Variants in SLC37A1 observed in about 807,000 individuals in gnomAD.
The protein encoded by SLC37A1 is glucose-6-phosphate exchanger SLC37A1.
In SLC37A1, 49 loss-of-function variants were observed where a neutral mutation model predicts 75.3. That is an observed-to-expected ratio of 0.65 (90% CI 0.52 to 0.83). The LOEUF is 0.83. Among genes scored for constraint, SLC37A1 ranks in the 40% least tolerant of loss-of-function variants. SLC37A1 has a pLI of 0.00. For synonymous variants in SLC37A1, 268 were observed against 292.1 expected (o/e 0.92, Z 0.84); for missense variants, 566 against 695.0 (o/e 0.81, Z 2.09).
At chr21:42,507,761 C>A (rs758477332) in intron 2 of SLC37A1, among the ~76,000 whole-genome samples, 2 of 152,110 alleles carry the variant, frequency 1.3e-5, no homozygotes, top group African/African-American at 4.8e-5. Context: ...AGGTGCCAGG[C>A]TCCTTCTAAT....
intron 3 of SLC37A1, among the ~76,000 whole-genome samples, chr21:42,529,170 T>G (rs1218383885): frequency 2.0e-5 from 3 of 152,212 alleles, no homozygotes; most frequent in African/African-American, 7.2e-5. Context: ...TAGAATAGAT[T>G]AGAAAATATG....
At position 42,518,481 on chromosome 21, in the gene SLC37A1, C is replaced by T. The variant is rs1436589947; in HGVS notation, c.27C>T (p.Arg9=). 5.0e-6 allele frequency: 8 copies of T among 1,614,044 alleles called. No individual in the cohort carries two copies. The highest frequency in any genetic ancestry group is 6.8e-6 in the Non-Finnish European group (8 of 1,180,032). The change falls in exon 2 of 20, where the codon CGC becomes CGT. Residue 9 remains arginine, a synonymous_variant. Coordinates refer to ENST00000352133, the MANE Select transcript of SLC37A1 (RefSeq NM_001320537.2). MARLPAGI[R]FIISFSRDQW... ...TGGCTCGACTCCCCGCTGGCATTCG[C>T]TTCATCATCTCATTCTCCAGGGATC...
At chr21:42,518,958 T>C (rs113274307) in intron 2 of SLC37A1, among the ~76,000 whole-genome samples, 2 of 152,160 alleles carry the variant, frequency 1.3e-5, no homozygotes, top group African/African-American at 4.8e-5. Flanking sequence ...GTTCAGAGAG[T>C]GCCTCGCCTT....
In SLC37A1 at chr21:42,567,010, G is replaced by C; in HGVS notation, c.1296G>C (p.Leu432=). The change falls in exon 16 of 20, where the codon CTG becomes CTC. Residue 432 remains leucine, a synonymous_variant. Coordinates refer to ENST00000352133, the MANE Select transcript of SLC37A1 (RefSeq NM_001320537.2). The part of the protein sequence containing the change: ...TIAMLLLSGA[L]VSGPYTLITT... ...CCATGCTGCTGCTCAGCGGAGCCCT[G>C]GTCAGTGGGCCCTACACACTCATCA... The C allele has an allele frequency of 6.2e-7, 1 of 1,608,584 alleles. No individual in the cohort carries two copies. The highest frequency in any genetic ancestry group is 8.5e-7 in the Non-Finnish European group (1 of 1,179,908).
Position 42,545,050 on chromosome 21 carries a change from G to A in SLC37A1, c.730+1448G>A, listed in dbSNP as rs1001132382. Among the ~76,000 whole-genome samples the A allele has an allele frequency of 2.6e-5, 4 of 152,182 alleles. No individual in the cohort carries two copies. Among genetic ancestry groups the A allele is most frequent in the African/African-American group, 7.2e-5 (3 of 41,442 alleles). On this transcript the variant is annotated intron_variant, in intron 8 of 19. Transcript: ENST00000352133. The surrounding 1 kb of genome is among the most constrained non-coding windows in gnomAD (Gnocchi z 4.0). ...CTCAGCACCCGCTCCAGGCATTCAC[G>A]GCCCTATGTTGATGTTTGTCTCTGT...
In SLC37A1 at chr21:42,534,795, C is replaced by T; in HGVS notation, c.236C>T (p.Pro79Leu). 1 of 1,614,014 alleles carries T rather than the reference C, an allele frequency of 6.2e-7. No individual in the cohort carries two copies. Among genetic ancestry groups the T allele is most frequent in the Non-Finnish European group, 8.5e-7 (1 of 1,179,982 alleles). Residue 79 changes from proline (P) to leucine (L), a missense_variant, in exon 4 of 20, where the codon CCT becomes CTT. Pro to Leu is a moderately conservative substitution (Grantham distance 98, BLOSUM62 -3). Transcript: ENST00000352133. ...GGGTCCGCTGCCCCCCACCAGCTCC[C>T]TGACAATGAGACCGACTGTGGCTGG... ...KSGSAAPHQL[P>L]DNETDCGWAP...
chr21:42,567,909 C>A (rs1035473145), intron 16 of SLC37A1, among the ~76,000 whole-genome samples: 6 of 152,268 alleles, frequency 3.9e-5, no homozygotes, highest in Non-Finnish European at 5.9e-5. Flanking sequence ...TGCTATTGAT[C>A]AGGTTGAATT....
intron 2 of SLC37A1, among the ~76,000 whole-genome samples, chr21:42,523,336 A>T (rs375892714): frequency 1.3e-5 from 2 of 152,242 alleles, no homozygotes; most frequent in African/African-American, 4.8e-5. Flanking sequence ...AGGGTCACCC[A>T]TCAGCCTTAC....
intron 16 of SLC37A1, 21 bp from the exon 17 acceptor site, chr21:42,568,339 T>A (rs1434538566): frequency 2.5e-6 from 4 of 1,606,644 alleles, no homozygotes; most frequent in Middle Eastern, 1.7e-4. Context: ...TAACTGCACG[T>A]CTGTTTTTCC....
At chr21:42,502,368 C>A (rs892938849) in exon 2 of SLC37A1, 1 of 152,132 alleles carries the variant, frequency 6.6e-6, no homozygotes, top group Non-Finnish European at 1.5e-5. Flanking sequence ...CCGGACCTAT[C>A]CCCACTCTCA....
intron 2 of SLC37A1, among the ~76,000 whole-genome samples, chr21:42,504,812 T>G (rs1432554735): frequency 6.6e-6 from 1 of 152,192 alleles, no homozygotes; most frequent in Non-Finnish European, 1.5e-5. Context: ...AGGGCAAAAC[T>G]GAACTTCTTC....
chr21:42,549,843 T>C (rs956952665), intron 9 of SLC37A1, among the ~76,000 whole-genome samples: 16 of 152,234 alleles, frequency 1.1e-4, no homozygotes, highest in Non-Finnish European at 2.2e-4. Context: ...TTCTAATTTT[T>C]TCCAATATTT....
At chr21:42,522,329 G>T (rs767702043) in intron 2 of SLC37A1, among the ~76,000 whole-genome samples, 1 of 152,182 alleles carries the variant, frequency 6.6e-6, no homozygotes, top group Admixed American at 6.5e-5. Flanking sequence ...TAAAGAAAAC[G>T]TAGATAGAAT....
Position 42,547,110 on chromosome 21 carries a change from C to A in SLC37A1, c.738C>A (p.Asn246Lys). ...TCATGTTTGCTCTTTCAGATCCGAA[C>A]GACGTCAGGTGCTCCTCCACCCTGG... The part of the protein sequence containing the change: ...VCFLFLIEHP[N>K]DVRCSSTLVT... Residue 246 changes from asparagine (N) to lysine (K), a missense_variant, in exon 9 of 20, where the codon AAC (asparagine) becomes AAA (lysine). Transcript: ENST00000352133. The surrounding 1 kb of genome is among the most constrained non-coding windows in gnomAD (Gnocchi z 6.1). 6.2e-7 allele frequency: 1 copy of A among 1,614,134 alleles called. No individual in the cohort carries two copies. Among genetic ancestry groups the A allele is most frequent in the Non-Finnish European group, 8.5e-7 (1 of 1,180,008 alleles).
intron 6 of SLC37A1, among the ~76,000 whole-genome samples, chr21:42,541,396 C>T (rs2055279046): frequency 6.6e-6 from 1 of 152,064 alleles, no homozygotes; most frequent in East Asian, 1.9e-4. Flanking sequence ...GGTTGGGGAC[C>T]CTGCTCTAGA....
At chr21:42,535,680 T>C in intron 5 of SLC37A1, 130 bp downstream of exon 5, 1 of 762,276 alleles carries the variant, frequency 1.3e-6, no homozygotes, top group Non-Finnish European at 2.3e-6. Context: ...TTCCCTGCTG[T>C]TCCCTTCCCA....
chr21:42,530,644 A>ACC (rs2054933937), intron 3 of SLC37A1, among the ~76,000 whole-genome samples: 1 of 28,642 alleles, frequency 3.5e-5, no homozygotes, highest in Non-Finnish European at 6.9e-5. Flanking sequence ...ACACACACAC[A>ACC]CACACACACA....
chr21:42,537,181 CGTGT>C (rs1436565790), intron 5 of SLC37A1, among the ~76,000 whole-genome samples: 3 of 152,132 alleles, frequency 2.0e-5, no homozygotes, highest in Admixed American at 6.5e-5. Flanking sequence ...CTTTATTGAA[CGTGT>C]GTATTTGCCT....
At chr21:42,549,067 C>A (rs1163523658) in intron 9 of SLC37A1, among the ~76,000 whole-genome samples, 1 of 152,176 alleles carries the variant, frequency 6.6e-6, no homozygotes, top group African/African-American at 2.4e-5. Context: ...TTTTAAAAAG[C>A]CGTGTTCCTG....
Sources: gnomAD v4.1 joint callset for allele counts (sites outside exome capture counted in the v4.1 genomes callset) on GRCh38, gnomAD v4.1.1 for gene constraint, Gnocchi (gnomAD v3.1) non-coding constraint, MANE v1.5 for transcripts, NCBI Gene and HGNC (gene_info 2026-07-23, HGNC 2026-07-21) for gene names.